SLC24A3: variants seen among roughly 807,000 people sequenced by gnomAD.
SLC24A3 encodes the protein sodium/potassium/calcium exchanger 3.
In SLC24A3, 28 loss-of-function variants were observed where a neutral mutation model predicts 75.8. That is an observed-to-expected ratio of 0.37 (90% CI 0.27 to 0.51). The LOEUF (loss-of-function observed/expected upper bound fraction) is 0.51, where lower values mean the gene tolerates loss of function less well. Among genes scored for constraint, SLC24A3 ranks in the 20% least tolerant of loss-of-function variants. SLC24A3 has a pLI of 0.94. For synonymous variants in SLC24A3, 372 were observed against 334.1 expected, an observed-to-expected ratio of 1.11 and a Z score of -1.24; for missense variants, 663 against 847.8, an observed-to-expected ratio of 0.78 and a Z score of 2.71.
chr20:19,525,874 G>A (rs1056428085), intron 3 of SLC24A3, among the ~76,000 whole-genome samples: 1 of 152,144 alleles, frequency 6.6e-6, no homozygotes, highest in Non-Finnish European at 1.5e-5. Flanking sequence ...CACAGGCGCG[G>A]CTGTGCGGTG....
intron 2 of SLC24A3, among the ~76,000 whole-genome samples, chr20:19,502,956 G>A (rs1988408181): frequency 6.7e-6 from 1 of 149,744 alleles, no homozygotes; most frequent in South Asian, 2.1e-4. Flanking sequence ...AAGCCCAGGA[G>A]TTGGAGGCTG....
At chr20:19,702,024 C>G (rs1220595644) in intron 15 of SLC24A3, among the ~76,000 whole-genome samples, 1 of 152,124 alleles carries the variant, frequency 6.6e-6, no homozygotes, top group African/African-American at 2.4e-5. Flanking sequence ...AAATCAAAAA[C>G]TTTCAAAACA....
chr20:19,653,146 T>A (rs192226405), intron 6 of SLC24A3, among the ~76,000 whole-genome samples: 2,276 of 152,254 alleles, frequency 0.015, 53 homozygotes, highest in African/African-American at 0.051. Flanking sequence ...TGATTCTTTC[T>A]CCAGAACAGA....
chr20:19,317,948 C>T (rs1269617377), intron 2 of SLC24A3, among the ~76,000 whole-genome samples: 1 of 152,222 alleles, frequency 6.6e-6, no homozygotes, highest in Non-Finnish European at 1.5e-5. Context: ...CCACATTCTG[C>T]CTGCTCACAC....
intron 9 of SLC24A3, among the ~76,000 whole-genome samples, chr20:19,679,877 G>A (rs2032590211): frequency 1.3e-5 from 2 of 152,118 alleles, no homozygotes; most frequent in African/African-American, 4.8e-5. Flanking sequence ...ATGTGTGTGT[G>A]TGCATTTTCC....
At chr20:19,232,157 C>A (rs1048213101) in intron 1 of SLC24A3, among the ~76,000 whole-genome samples, 3 of 151,730 alleles carry the variant, frequency 2.0e-5, no homozygotes, top group Admixed American at 2.0e-4. Flanking sequence ...AAATTATCTA[C>A]CCTTGACAAT....
intron 1 of SLC24A3, among the ~76,000 whole-genome samples, chr20:19,266,652 T>C (rs1204495389): frequency 2.0e-5 from 3 of 152,140 alleles, no homozygotes; most frequent in Non-Finnish European, 4.4e-5. Flanking sequence ...TTCTACTCAA[T>C]TGGAAACAAA....
At chr20:19,590,470 A>G (rs924806495) in intron 6 of SLC24A3, among the ~76,000 whole-genome samples, 2 of 152,126 alleles carry the variant, frequency 1.3e-5, no homozygotes, top group Non-Finnish European at 2.9e-5. Flanking sequence ...CCACACACCC[A>G]TAGTGCTGCC....
chr20:19,324,748 A>G (rs1012123422), intron 2 of SLC24A3, among the ~76,000 whole-genome samples: 8 of 152,226 alleles, frequency 5.3e-5, no homozygotes, highest in Admixed American at 6.5e-5. Flanking sequence ...TATTTTTCCC[A>G]AAGAGTTTAA....
chr20:19,568,984 A>G (rs2031005820), intron 3 of SLC24A3, among the ~76,000 whole-genome samples: 1 of 152,062 alleles, frequency 6.6e-6, no homozygotes, highest in South Asian at 2.1e-4. Flanking sequence ...GCTTTCCTCT[A>G]TCTTACTTAA....
intron 2 of SLC24A3, among the ~76,000 whole-genome samples, chr20:19,497,428 A>T (rs1988308655): frequency 6.6e-6 from 1 of 152,214 alleles, no homozygotes; most frequent in African/African-American, 2.4e-5. Context: ...AAGGCTTAGT[A>T]AAAGGCTAAT....
At chr20:19,362,939 C>A (rs1285490942) in intron 2 of SLC24A3, among the ~76,000 whole-genome samples, 2 of 152,232 alleles carry the variant, frequency 1.3e-5, no homozygotes, top group Non-Finnish European at 2.9e-5. Flanking sequence ...AATCACTCAG[C>A]AAACTTGCTG....
intron 15 of SLC24A3, among the ~76,000 whole-genome samples, chr20:19,716,121 G>A (rs1382304288): frequency 6.6e-6 from 1 of 152,162 alleles, no homozygotes; most frequent in African/African-American, 2.4e-5. Context: ...GGAGTTCTGG[G>A]TGGGGCCTGA....
intron 7 of SLC24A3, among the ~76,000 whole-genome samples, chr20:19,655,220 A>G (rs987083142): frequency 1.3e-5 from 2 of 152,066 alleles, no homozygotes; most frequent in Non-Finnish European, 2.9e-5. Context: ...CATGCAGTGC[A>G]TCTCCACCAC....
At chr20:19,491,587 A>C (rs1988209706) in intron 2 of SLC24A3, among the ~76,000 whole-genome samples, 1 of 152,068 alleles carries the variant, frequency 6.6e-6, no homozygotes, top group Admixed American at 6.5e-5. Context: ...CTGCCATCAC[A>C]TTCTGGCACC....
intron 2 of SLC24A3, among the ~76,000 whole-genome samples, chr20:19,455,528 T>C (rs968065626): frequency 6.6e-6 from 1 of 152,144 alleles, no homozygotes; most frequent in Non-Finnish European, 1.5e-5. Context: ...AGCATAAACA[T>C]AGAGAGAGCC....
At chr20:19,216,880 C>T (rs1042570177) in intron 1 of SLC24A3, among the ~76,000 whole-genome samples, 1 of 152,212 alleles carries the variant, frequency 6.6e-6, no homozygotes, top group Non-Finnish European at 1.5e-5. Flanking sequence ...TGCTCCACTA[C>T]ATCTGGTACC....
At position 19,365,660 on chromosome 20, in the gene SLC24A3, G is replaced by C. The variant is rs7353505; in HGVS notation, c.271+84573G>C. Reference sequence around the variant, plus strand: ...ATAAAATGTTGTAAATGATGCCTTTGTTCACACTTTACGTAAGAGTGAGTA... The same window carrying C: ...ATAAAATGTTGTAAATGATGCCTTTCTTCACACTTTACGTAAGAGTGAGTA... On this transcript the variant is annotated intron_variant, in intron 2 of 16. Transcript: ENST00000328041. 8.5e-3 allele frequency among the ~76,000 whole-genome samples: 1,299 copies of C among 152,206 alleles called. 10 individuals carry two copies. The highest frequency in any genetic ancestry group is 0.02 in the Middle Eastern group (6 of 294).
rs111490158 is a variant in SLC24A3, at chr20:19,313,592, G to A, written c.271+32505G>A. 2.8e-3 allele frequency among the ~76,000 whole-genome samples: 420 copies of A among 152,276 alleles called. 2 individuals carry two copies. The highest frequency in any genetic ancestry group is 9.3e-3 in the African/African-American group (386 of 41,538). On this transcript the variant is annotated intron_variant, in intron 2 of 16. Transcript: ENST00000328041. ...CATTTCAGCTCTGAGGTCTGAACTTGCCTCTCCTGCCACTGCTAGGTCTTT... is the reference window on the plus strand; with the variant it reads ...CATTTCAGCTCTGAGGTCTGAACTTACCTCTCCTGCCACTGCTAGGTCTTT...
Sources: allele counts gnomAD v4.1 joint callset (sites outside exome capture counted in the v4.1 genomes callset), GRCh38; gene constraint gnomAD v4.1.1; transcripts MANE v1.5; gene names NCBI Gene and HGNC (gene_info 2026-07-23, HGNC 2026-07-21).